The following INTS6 variants were observed in gnomAD, a reference collection of about 807,000 sequenced individuals.
The protein encoded by INTS6 is DEAD box protein.
Under a neutral mutation model 104.9 loss-of-function variants are expected in INTS6, and 16 were observed. The ratio of observed to expected loss-of-function variants is 0.15; its 90% CI spans 0.10 to 0.23. INTS6 has a LOEUF of 0.23. INTS6 is among the 10% of genes least tolerant of loss of function. INTS6 has a pLI of 1.00. For synonymous variants in INTS6, 324 were observed against 358.7 expected, an observed-to-expected ratio of 0.90 and a Z score of 1.09; for missense variants, 584 against 1,062.8, an observed-to-expected ratio of 0.55 and a Z score of 6.26.
chr13:51,443,125 T>G (rs1952828207), intron 3 of INTS6: 1 of 152,180 alleles, frequency 6.6e-6, no homozygotes, highest in Admixed American at 6.5e-5. Context: ...AATATACAAA[T>G]CCTTAATAAA....
intron 4 of INTS6, among the ~76,000 whole-genome samples, chr13:51,426,595 T>G (rs1024083900): frequency 3.9e-5 from 6 of 152,112 alleles, no homozygotes; most frequent in African/African-American, 1.4e-4. Context: ...ATTTTATCAT[T>G]CATAAAACCA....
At chr13:51,439,560 A>T (rs1324454025) in intron 3 of INTS6, 1 of 152,200 alleles carries the variant, frequency 6.6e-6, no homozygotes, top group Non-Finnish European at 1.5e-5. Flanking sequence ...ACACAAATCT[A>T]CACGACAAAT....
At chr13:51,379,178 A>G (rs1955997389) in intron 11 of INTS6, among the ~76,000 whole-genome samples, 1 of 151,930 alleles carries the variant, frequency 6.6e-6, no homozygotes, top group Non-Finnish European at 1.5e-5. Context: ...TCTAATCTAA[A>G]TTTCTCAAAA....
intron 13 of INTS6, among the ~76,000 whole-genome samples, chr13:51,375,580 A>G (rs1955906642): frequency 6.6e-6 from 1 of 152,114 alleles, no homozygotes; most frequent in Admixed American, 6.5e-5. Context: ...GACTTGATTT[A>G]TAGTAGGTGC....
chr13:51,384,519 C>A (rs1198481778), intron 7 of INTS6: 1 of 418,542 alleles, frequency 2.4e-6, no homozygotes, highest in Non-Finnish European at 4.8e-6. Flanking sequence ...ACTGTTGGGG[C>A]CAGATGGCTC....
intron 10 of INTS6, 132 bp from the exon 11 acceptor site, chr13:51,379,704 C>T (rs3818360): frequency 0.4 from 180,581 of 455,544 alleles, 37,327 homozygotes; most frequent in East Asian, 0.57. Flanking sequence ...GTAACACAAT[C>T]GTATTTATGT....
chr13:51,398,125 A>G (rs1956373540), intron 4 of INTS6, among the ~76,000 whole-genome samples: 1 of 152,206 alleles, frequency 6.6e-6, no homozygotes, highest in Admixed American at 6.5e-5. Context: ...TATAGTTTAA[A>G]TGAATTAGTA....
At chr13:51,412,510 C>G (rs781025404) in intron 4 of INTS6, among the ~76,000 whole-genome samples, 7 of 152,130 alleles carry the variant, frequency 4.6e-5, no homozygotes, top group Non-Finnish European at 8.8e-5. Context: ...TCTTTCCATG[C>G]GGACACAAAA....
chr13:51,452,536 G>A lies in INTS6; in HGVS notation c.-11C>T, dbSNP rs1001443776. On this transcript the variant is annotated 5_prime_UTR_variant, in exon 1 of 18. Transcript: ENST00000311234. The surrounding 1 kb of genome is among the most constrained non-coding windows in gnomAD (Gnocchi z 4.2). Reference sequence around the variant, plus strand: ...CAGTAAGATGGGCATAGTGCTGGCCGGGGACACCGGGGCCCGAGGTGGTGG... The same window carrying A: ...CAGTAAGATGGGCATAGTGCTGGCCAGGGACACCGGGGCCCGAGGTGGTGG... The A allele has an allele frequency of 3.7e-6, 6 of 1,608,686 alleles. No individual in the cohort carries two copies. The highest frequency in any genetic ancestry group is 2.7e-5 in the African/African-American group (2 of 74,822).
intron 4 of INTS6, among the ~76,000 whole-genome samples, chr13:51,415,123 GT>G (rs200899765): frequency 0.014 from 1,967 of 144,942 alleles, 30 homozygotes; most frequent in East Asian, 0.072. Context: ...AAGTATGAGA[GT>G]TTTTTTTTTT....
In INTS6 at chr13:51,408,672, C is replaced by T. The variant is rs541717076; in HGVS notation, c.430-13189G>A. ...TGTATTAAAAAATAATAATCTCTTT[C>T]TTGATAACTCAAAGAAGTAGGAAAA... is the stretch of plus-strand genomic sequence containing the variant. On this transcript the variant is annotated intron_variant, in intron 4 of 17. Coordinates refer to ENST00000311234, the MANE Select transcript of INTS6 (RefSeq NM_012141.3). Among the ~76,000 whole-genome samples, 3 of 152,236 alleles carry T rather than the reference C, an allele frequency of 2.0e-5. No individual in the cohort carries two copies. In the South Asian group the frequency reaches 6.2e-4, roughly 32 times the overall value.
chr13:51,416,129 T>C (rs1272108193), intron 4 of INTS6, among the ~76,000 whole-genome samples: 1 of 152,178 alleles, frequency 6.6e-6, no homozygotes, highest in Non-Finnish European at 1.5e-5. Flanking sequence ...AGTCAGACTG[T>C]AATAGATTTA....
chr13:51,380,888 G>A, intron 10 of INTS6, among the ~76,000 whole-genome samples: 1 of 152,218 alleles, frequency 6.6e-6, no homozygotes, highest in South Asian at 2.1e-4. Flanking sequence ...TGTTTCTAGA[G>A]ATTTGGGAAA....
intron 16 of INTS6, 64 bp from the exon 17 acceptor site, chr13:51,367,962 C>G: frequency 1.1e-6 from 1 of 872,594 alleles, no homozygotes; most frequent in South Asian, 1.8e-5. Flanking sequence ...ATTCAATATT[C>G]TTCTTTTGCA....
At chr13:51,349,217 A>C (rs1043683561), downstream of INTS6, among the ~76,000 whole-genome samples, 1 of 152,226 alleles carries the variant, frequency 6.6e-6, no homozygotes. Context: ...CTGGGCTTCC[A>C]GTAGGCAAAG....
intron 4 of INTS6, among the ~76,000 whole-genome samples, chr13:51,418,336 A>G (rs1956831447): frequency 6.6e-6 from 1 of 152,224 alleles, no homozygotes; most frequent in East Asian, 1.9e-4. Context: ...ATTTAAAAGC[A>G]TCCTATATCA....
At chr13:51,408,932 A>T (rs564711179) in intron 4 of INTS6, among the ~76,000 whole-genome samples, 4 of 152,304 alleles carry the variant, frequency 2.6e-5, no homozygotes, top group East Asian at 3.9e-4. Context: ...AAATGTGCAT[A>T]AAAATTTTTC....
Position 51,362,052 on chromosome 13 carries a change from G to A in INTS6, c.*3700C>T. 1 of 1,580,030 alleles carries A rather than the reference G, an allele frequency of 6.3e-7. No homozygotes were observed. Among genetic ancestry groups the A allele is most frequent in the Non-Finnish European group, 8.5e-7 (1 of 1,170,092 alleles). ...AGTTGCTATCTTCTATCCTAAGAAAGGGGACTATTTCGTAAGTACAAAGGA... is the reference window on the plus strand; with the variant it reads ...AGTTGCTATCTTCTATCCTAAGAAAAGGGACTATTTCGTAAGTACAAAGGA... On this transcript the variant is annotated 3_prime_UTR_variant, in exon 18 of 18. Transcript: ENST00000311234.
At chr13:51,352,399 C>CA (rs1335794102), downstream of INTS6, among the ~76,000 whole-genome samples, 44 of 151,892 alleles carry the variant, frequency 2.9e-4, no homozygotes, top group Middle Eastern at 6.8e-3. Flanking sequence ...ATAGCGTATA[C>CA]AAACACAATT....
Sources: gnomAD v4.1 joint callset for allele counts (sites outside exome capture counted in the v4.1 genomes callset) on GRCh38, gnomAD v4.1.1 for gene constraint, Gnocchi (gnomAD v3.1) non-coding constraint, MANE v1.5 for transcripts, NCBI Gene and HGNC (gene_info 2026-07-23, HGNC 2026-07-21) for gene names.